STK17B: variants seen among roughly 807,000 people sequenced by gnomAD.
STK17B encodes serine/threonine kinase 17b.
Under a neutral mutation model 42.0 loss-of-function variants are expected in STK17B, and 21 were observed. That is an observed-to-expected ratio of 0.50 (90% CI 0.35 to 0.72). STK17B has a LOEUF of 0.72. STK17B is among the 30% of genes least tolerant of loss of function. STK17B has a pLI of 0.00. For synonymous variants in STK17B, 143 were observed against 148.4 expected (o/e 0.96, Z 0.26); for missense variants, 349 against 446.0 (o/e 0.78, Z 1.96).
At chr2:196,140,577 C>CTTTTTTTT (rs58205758) in intron 6 of STK17B, among the ~76,000 whole-genome samples, 3 of 101,478 alleles carry the variant, frequency 3.0e-5, no homozygotes. Flanking sequence ...CTTCTTCTAG[C>CTTTTTTTT]TTTTTTTTTT....
Position 196,137,221 on chromosome 2 carries a change from T to C in STK17B, c.*226A>G. The C allele has an allele frequency of 2.1e-6, 1 of 470,924 alleles. No individual in the cohort carries two copies. Among genetic ancestry groups the C allele is most frequent in the Non-Finnish European group, 3.7e-6 (1 of 271,972 alleles). 29.2% of individuals were successfully genotyped at this position (470,924 alleles called of 1,614,324 possible). A position where few individuals can be genotyped will look rare whatever the true frequency, so the allele number is the denominator to read the frequency against. On this transcript the variant is annotated 3_prime_UTR_variant, in exon 8 of 8. Coordinates refer to ENST00000263955, the MANE Select transcript of STK17B (RefSeq NM_004226.4). ...TGTAAACTCACATGTACAATTTTAC[T>C]TTTTGTCATATATTTAAATATTTTC...
chr2:196,150,179 T>TAAAAAAAAAAAAAAAAAAAAAAAAAAAAA (rs143244008), intron 3 of STK17B, among the ~76,000 whole-genome samples: 2 of 113,516 alleles, frequency 1.8e-5, no homozygotes, highest in African/African-American at 3.5e-5. Context: ...GAGCAGTGAC[T>TAAAAAAAAAAAAAAAAAAAAAAAAAAAAA]AAAAAAAAAA....
intron 2 of STK17B, among the ~76,000 whole-genome samples, chr2:196,161,330 C>T (rs1699809619): frequency 6.6e-6 from 1 of 150,882 alleles, no homozygotes. Flanking sequence ...TATTATAATG[C>T]AAAATGAAGT....
In STK17B at chr2:196,137,686, G is replaced by A. The variant is rs760133191; in HGVS notation, c.880C>T (p.Gln294Ter). Residue 294 changes from glutamine (Q) to a stop codon, truncating the protein, a stop_gained, in exon 8 of 8, where the codon CAG becomes TAG. Coordinates refer to ENST00000263955, the MANE Select transcript of STK17B (RefSeq NM_004226.4). LOFTEE classifies it high-confidence loss of function. ...AACAAGTTTTCAAAGTCCCACTGCT[G>A]TAGCCAAGAATGAGAAAGGCATATC... ...AEICLSHSWL[Q>*]QWDFENLFHP... The A allele has an allele frequency of 3.1e-6, 5 of 1,613,940 alleles. No individual in the cohort carries two copies. Among genetic ancestry groups the A allele is most frequent in the South Asian group, 1.1e-5 (1 of 91,076 alleles).
intron 7 of STK17B, 35 bp from the exon 8 acceptor site, chr2:196,137,764 T>G: frequency 6.4e-7 from 1 of 1,571,826 alleles, no homozygotes; most frequent in South Asian, 1.2e-5. Flanking sequence ...AATTGAGAAC[T>G]AAAAATCAAG....
At position 196,134,995 on chromosome 2, in the gene STK17B, C is replaced by G. The variant is rs1699376630; in HGVS notation, c.*2452G>C. On this transcript the variant is annotated 3_prime_UTR_variant, in exon 8 of 8. Transcript: ENST00000263955. ...TGTAAAAAGAGTGGATTTTTATATTCTTTGTGCAATCACTAGTTGCTTTTT... is the reference window on the plus strand; with the variant it reads ...TGTAAAAAGAGTGGATTTTTATATTGTTTGTGCAATCACTAGTTGCTTTTT... 6.6e-6 allele frequency: 1 copy of G among 152,026 alleles called. No homozygotes were observed. Among genetic ancestry groups the G allele is most frequent in the Admixed American group, 6.6e-5 (1 of 15,264 alleles). 9.4% of individuals were successfully genotyped at this position (152,026 alleles called of 1,614,324 possible). A position where few individuals can be genotyped will look rare whatever the true frequency, so the allele number is the denominator to read the frequency against.
At chr2:196,159,170 T>G (rs1192513383) in intron 2 of STK17B, among the ~76,000 whole-genome samples, 1 of 152,154 alleles carries the variant, frequency 6.6e-6, no homozygotes, top group Non-Finnish European at 1.5e-5. Flanking sequence ...AAACAGAAAC[T>G]AGTTAGCCAA....
intron 2 of STK17B, among the ~76,000 whole-genome samples, chr2:196,156,949 G>A (rs1278780703): frequency 2.6e-5 from 4 of 152,130 alleles, no homozygotes; most frequent in African/African-American, 9.7e-5. Context: ...CAGATCACTT[G>A]AGGTCAGGAG....
chr2:196,165,250 C>T (rs767569217), intron 1 of STK17B, among the ~76,000 whole-genome samples: 1 of 152,160 alleles, frequency 6.6e-6, no homozygotes, highest in Non-Finnish European at 1.5e-5. Context: ...CAGCCATCTA[C>T]AAGCCAAGAG....
rs180979900 is a variant in STK17B, at chr2:196,134,163, C to T, written c.*3284G>A. 6.6e-6 allele frequency: 1 copy of T among 152,316 alleles called. No individual in the cohort carries two copies. Among genetic ancestry groups the T allele is most frequent in the African/African-American group, 2.4e-5 (1 of 41,558 alleles). The allele number at this position is 152,316 out of a possible 1,614,324, so 9.4% of individuals were successfully genotyped here. ...GCCAGAATGAAAATCAATTACATCACTAATCATACTGGCTCAGTTGACTTT... is the reference window on the plus strand; with the variant it reads ...GCCAGAATGAAAATCAATTACATCATTAATCATACTGGCTCAGTTGACTTT... On this transcript the variant is annotated 3_prime_UTR_variant, in exon 8 of 8. Transcript: ENST00000263955.
In STK17B at chr2:196,147,156, C is replaced by A. The variant is rs558509475; in HGVS notation, c.336-1101G>T. ...ATAAAATTAGAACATCATGCAAAAA[C>A]ATTTATACAGTTATTCATCAAATTT... On this transcript the variant is annotated intron_variant, in intron 3 of 7. Transcript: ENST00000263955. Among the ~76,000 whole-genome samples the A allele has an allele frequency of 6.6e-5, 10 of 152,208 alleles. No homozygotes were observed. In the South Asian group the frequency reaches 2.1e-3, roughly 32 times the overall value.
At chr2:196,138,770 T>A (rs111707123) in intron 7 of STK17B, among the ~76,000 whole-genome samples, 13,491 of 151,640 alleles carry the variant, frequency 0.089, 748 homozygotes, top group Non-Finnish European at 0.12. Context: ...GAGATGGTGT[T>A]TCACTATATT....
intron 3 of STK17B, among the ~76,000 whole-genome samples, chr2:196,148,554 A>C (rs1303338759): frequency 6.6e-6 from 1 of 152,234 alleles, no homozygotes; most frequent in African/African-American, 2.4e-5. Flanking sequence ...AGATATAAAT[A>C]CTGATAATCT....
intron 2 of STK17B, among the ~76,000 whole-genome samples, chr2:196,156,915 A>G (rs1699747324): frequency 6.6e-6 from 1 of 152,222 alleles, no homozygotes; most frequent in Non-Finnish European, 1.5e-5. Flanking sequence ...AAAATGATAC[A>G]TTATCTTGGG....
chr2:196,138,954 T>C (rs1401040874), intron 7 of STK17B, among the ~76,000 whole-genome samples: 8 of 152,104 alleles, frequency 5.3e-5, no homozygotes, highest in Admixed American at 2.0e-4. Context: ...TTGTTATGTA[T>C]GTAAAATTAT....
intron 1 of STK17B, among the ~76,000 whole-genome samples, chr2:196,167,502 T>C (rs1345149345): frequency 6.6e-6 from 1 of 152,244 alleles, no homozygotes; most frequent in Non-Finnish European, 1.5e-5. Flanking sequence ...AGTCTCTGCT[T>C]AATTCAGCAT....
chr2:196,155,977 A>T (rs1699732848), intron 3 of STK17B: 1 of 155,298 alleles, frequency 6.4e-6, no homozygotes, highest in South Asian at 1.9e-4. Context: ...AGTTTTATGC[A>T]GTTTACCTTT....
At chr2:196,152,074 T>C (rs1699672246) in intron 3 of STK17B, among the ~76,000 whole-genome samples, 1 of 150,300 alleles carries the variant, frequency 6.7e-6, no homozygotes, top group African/African-American at 2.4e-5. Flanking sequence ...GATTGATTCA[T>C]ATAATTAGCA....
In STK17B at chr2:196,164,038, CAATAAATA is replaced by C. The variant is rs60492880; in HGVS notation, c.-44-619_-44-612del. Among the ~76,000 whole-genome samples, 252 of 146,170 alleles carry C rather than the reference CAATAAATA, an allele frequency of 1.7e-3. 1 individual carries two copies. Among genetic ancestry groups the C allele is most frequent in the African/African-American group, 4.0e-3 (158 of 39,104 alleles). Reference sequence around the variant, plus strand: ...TGGGCAATAAAGCGAGATCTTATCTCAATAAATAAATAAATAAATAAATAAATAAATAA... The same window carrying C: ...TGGGCAATAAAGCGAGATCTTATCTCAATAAATAAATAAATAAATAAATAA... On this transcript the variant is annotated intron_variant, in intron 1 of 7. Coordinates refer to ENST00000263955, the MANE Select transcript of STK17B (RefSeq NM_004226.4).
Sources: allele counts gnomAD v4.1 joint callset (sites outside exome capture counted in the v4.1 genomes callset), GRCh38; gene constraint gnomAD v4.1.1; transcripts MANE v1.5; gene names NCBI Gene and HGNC (gene_info 2026-07-23, HGNC 2026-07-21).